The following CYP2C19 variants were observed in gnomAD, a reference collection of about 807,000 sequenced individuals.
CYP2C19 encodes cytochrome P450 family 2 subfamily C member 19, also known as cytochrome P450 2C19.
In CYP2C19, 59 loss-of-function variants were observed where a neutral mutation model predicts 40.9. The ratio of observed to expected loss-of-function variants is 1.44; its 90% CI spans 1.17 to 1.79. CYP2C19 has a LOEUF of 1.79. Ranked by LOEUF, CYP2C19 falls within the 40% of genes most tolerant of loss-of-function variation. The pLI, the probability that CYP2C19 is intolerant of heterozygous loss-of-function variation, is 0.00. For missense variants in CYP2C19, 754 were observed against 596.9 expected, an observed-to-expected ratio of 1.26 and a Z score of -2.74; for synonymous variants, 253 against 208.7, an observed-to-expected ratio of 1.21 and a Z score of -1.83.
chr10:94,777,777 G>T (rs937738482), intron 3 of CYP2C19, among the ~76,000 whole-genome samples: 3 of 152,048 alleles, frequency 2.0e-5, no homozygotes, highest in African/African-American at 7.2e-5. Flanking sequence ...AAAAGCAATG[G>T]CAACAAAAGC....
In CYP2C19 at chr10:94,775,735, A is replaced by G. The variant is rs543433950; in HGVS notation, c.481+196A>G. 10 of 823,406 alleles carry G rather than the reference A, an allele frequency of 1.2e-5. No individual in the cohort carries two copies. In the East Asian group the frequency reaches 1.6e-4, roughly 13 times the overall value. 51.0% of individuals were successfully genotyped at this position (823,406 alleles called of 1,614,324 possible). A position where few individuals can be genotyped will look rare whatever the true frequency, so the allele number is the denominator to read the frequency against. Reference sequence around the variant, plus strand: ...TGTGTGTGTACAGGCATGATTGTGCATACAGTGTGGGTATAAAAGTTCATT... The same window carrying G: ...TGTGTGTGTACAGGCATGATTGTGCGTACAGTGTGGGTATAAAAGTTCATT... On this transcript the variant is annotated intron_variant, in intron 3 of 8. Transcript: ENST00000371321.
intron 7 of CYP2C19, among the ~76,000 whole-genome samples, chr10:94,845,272 G>A (rs777031907): frequency 6.6e-6 from 1 of 152,116 alleles, no homozygotes; most frequent in Non-Finnish European, 1.5e-5. Context: ...TGCTATTGTA[G>A]CATGAAAGCA....
chr10:94,780,701 C>A, intron 4 of CYP2C19, 42 bp downstream of exon 4: 2 of 1,607,512 alleles, frequency 1.2e-6, no homozygotes, highest in South Asian at 2.2e-5. Flanking sequence ...CACTTACAGT[C>A]TTTTTTTCTG....
chr10:94,829,070 G>A (rs867531754), intron 6 of CYP2C19, among the ~76,000 whole-genome samples: 6 of 152,098 alleles, frequency 3.9e-5, no homozygotes, highest in Non-Finnish European at 1.5e-5. Context: ...AGGGTAACCC[G>A]ACCTTTCTCT....
rs932111439 is a variant in CYP2C19, at chr10:94,853,246, A to G, written c.*332A>G. ...TCTCTGCATGTTCTAAACAAAAAGC[A>G]TTATTATTTGCTGAGTCAGGTTATT... On this transcript the variant is annotated 3_prime_UTR_variant, in exon 9 of 9. Transcript: ENST00000371321. 5.4e-6 allele frequency: 2 copies of G among 368,776 alleles called. No individual in the cohort carries two copies. The highest frequency in any genetic ancestry group is 4.5e-5 in the Admixed American group (1 of 22,284). The allele number at this position is 368,776 out of a possible 1,614,324, so 22.8% of individuals were successfully genotyped here.
At chr10:94,840,975 C>T (rs12416196) in intron 6 of CYP2C19, among the ~76,000 whole-genome samples, 43,064 of 152,066 alleles carry the variant, frequency 0.28, 7,413 homozygotes, top group Admixed American at 0.43. Context: ...CCAATATTAC[C>T]GCTTTGGATG....
Position 94,797,469 on chromosome 10 carries a change from C to G in CYP2C19, c.819+15472C>G, listed in dbSNP as rs113053099. ...TGAAATTTTTTGTGTGTGTGTCTCT[C>G]CTGGGCTTTGGTATCAGGATGATGC... On this transcript the variant is annotated intron_variant, in intron 5 of 8. Coordinates refer to ENST00000371321, the MANE Select transcript of CYP2C19 (RefSeq NM_000769.4). 3.1e-3 allele frequency among the ~76,000 whole-genome samples: 472 copies of G among 151,914 alleles called. 3 individuals are homozygous for G. The highest frequency in any genetic ancestry group is 0.011 in the African/African-American group (449 of 41,478).
chr10:94,764,927 C>T (rs1446517124), intron 1 of CYP2C19, among the ~76,000 whole-genome samples: 3 of 152,084 alleles, frequency 2.0e-5, no homozygotes, highest in Admixed American at 6.5e-5. Context: ...AAGCCATTTC[C>T]TGTAAACACT....
chr10:94,847,648 A>G (rs944469667), intron 7 of CYP2C19, among the ~76,000 whole-genome samples: 7 of 152,126 alleles, frequency 4.6e-5, no homozygotes, highest in Non-Finnish European at 7.4e-5. Flanking sequence ...CTGAGGAATC[A>G]CCACACTGAC....
Position 94,780,612 on chromosome 10 carries a change from G to A in CYP2C19, c.595G>A (p.Glu199Lys). ...AGATCAGCAATTTCTTAACTTGATG[G>A]AAAAATTGAATGAAAACATCAGGAT... ...YKDQQFLNLM[E>K]KLNENIRIVS... is the part of the protein sequence containing the mutation. Residue 199 changes from glutamate to lysine, a missense_variant, in exon 4 of 9, where the codon GAA (glutamate) becomes AAA (lysine). Physicochemically the swap from Glu to Lys is moderately conservative, Grantham distance 56. Transcript: ENST00000371321. The A allele has an allele frequency of 1.2e-6, 2 of 1,613,750 alleles. No individual in the cohort carries two copies. Among genetic ancestry groups the A allele is most frequent in the Non-Finnish European group, 1.7e-6 (2 of 1,179,872 alleles).
At chr10:94,765,685 G>C (rs905773403) in intron 1 of CYP2C19, among the ~76,000 whole-genome samples, 3 of 152,128 alleles carry the variant, frequency 2.0e-5, no homozygotes, top group Non-Finnish European at 4.4e-5. Context: ...TGGTCATGCA[G>C]GGAGTATGTT....
At chr10:94,832,013 C>G (rs1792374055) in intron 6 of CYP2C19, among the ~76,000 whole-genome samples, 2 of 152,050 alleles carry the variant, frequency 1.3e-5, no homozygotes, top group East Asian at 1.9e-4. Context: ...CTAGTATTTT[C>G]CTATAGTATT....
chr10:94,816,780 C>A (rs991827652), intron 5 of CYP2C19, among the ~76,000 whole-genome samples: 2 of 146,744 alleles, frequency 1.4e-5, no homozygotes, highest in East Asian at 2.1e-4. Flanking sequence ...TTCATGTGTC[C>A]ATGTGATCTC....
At chr10:94,847,500 C>T (rs1849590241) in intron 7 of CYP2C19, among the ~76,000 whole-genome samples, 1 of 152,172 alleles carries the variant, frequency 6.6e-6, no homozygotes, top group Middle Eastern at 3.4e-3. Flanking sequence ...GGGTTGATTC[C>T]AAGTCGTTGC....
At chr10:94,802,104 C>T (rs138782649) in intron 5 of CYP2C19, among the ~76,000 whole-genome samples, 1 of 152,190 alleles carries the variant, frequency 6.6e-6, no homozygotes, top group East Asian at 1.9e-4. Context: ...GCTGATTGGT[C>T]CATTTTACAG....
At chr10:94,767,834 G>A (rs954947237) in intron 1 of CYP2C19, among the ~76,000 whole-genome samples, 3 of 152,132 alleles carry the variant, frequency 2.0e-5, no homozygotes, top group African/African-American at 7.2e-5. Flanking sequence ...CCCTGTGAAA[G>A]TTCCCATTCT....
At position 94,843,549 on chromosome 10, in the gene CYP2C19, C is replaced by T. The variant is rs939622431; in HGVS notation, c.1149+525C>T. 5.9e-5 allele frequency among the ~76,000 whole-genome samples: 9 copies of T among 152,024 alleles called. No homozygotes were observed. The East Asian group carries it at 7.7e-4, about 13-fold the overall frequency. ...GTTGTTGTTATAAACTTACAAAATG[C>T]CTTTTGATTTCTTTGTACTTGGTAT... On this transcript the variant is annotated intron_variant, in intron 7 of 8. Coordinates refer to ENST00000371321, the MANE Select transcript of CYP2C19 (RefSeq NM_000769.4).
At chr10:94,764,938 G>A (rs542798300) in intron 1 of CYP2C19, among the ~76,000 whole-genome samples, 1 of 152,086 alleles carries the variant, frequency 6.6e-6, no homozygotes, top group African/African-American at 2.4e-5. Context: ...TGTAAACACT[G>A]GGTGGCATCT....
rs138469552 is a variant in CYP2C19, at chr10:94,804,691, C to T, written c.820-15805C>T. 1.6e-3 allele frequency among the ~76,000 whole-genome samples: 237 copies of T among 152,302 alleles called. 1 individual carries two copies. Among genetic ancestry groups the T allele is most frequent in the Non-Finnish European group, 2.7e-3 (187 of 68,038 alleles). ...ATAACGGGTCTGTACTTACTTTTAT[C>T]AGCTGAATGCCATCATGAGGCTGTT... On this transcript the variant is annotated intron_variant, in intron 5 of 8. Coordinates refer to ENST00000371321, the MANE Select transcript of CYP2C19 (RefSeq NM_000769.4).
Sources: gnomAD v4.1 joint callset for allele counts (sites outside exome capture counted in the v4.1 genomes callset) on GRCh38, gnomAD v4.1.1 for gene constraint, MANE v1.5 for transcripts, NCBI Gene and HGNC (gene_info 2026-07-23, HGNC 2026-07-21) for gene names.